The following RAB3C variants were observed in gnomAD, a reference collection of about 807,000 sequenced individuals.
RAB3C encodes ras-related protein Rab-3C.
RAB3C carries 17 observed loss-of-function variants against 26.4 expected under a neutral mutation model. That is an observed-to-expected ratio of 0.64 (90% confidence interval 0.44 to 0.97). RAB3C has a LOEUF of 0.97. Ranked by LOEUF, RAB3C falls within the 50% of genes least tolerant of loss-of-function variation. The probability of loss-of-function intolerance (pLI) is 0.00; values close to 1 mark genes in which losing one functional copy is unlikely to be tolerated. For missense variants in RAB3C, 242 were observed against 281.9 expected, an observed-to-expected ratio of 0.86 and a Z score of 1.01; for synonymous variants, 91 against 95.9, an observed-to-expected ratio of 0.95 and a Z score of 0.30.
chr5:58,811,171 G>C (rs1325109904), intron 3 of RAB3C, among the ~76,000 whole-genome samples: 1 of 152,178 alleles, frequency 6.6e-6, no homozygotes, highest in Non-Finnish European at 1.5e-5. Context: ...TATTTGATAG[G>C]AGGTCTGAAA....
At chr5:58,820,340 T>G (rs903615331) in intron 3 of RAB3C, among the ~76,000 whole-genome samples, 15 of 152,228 alleles carry the variant, frequency 9.9e-5, no homozygotes, top group African/African-American at 3.6e-4. Context: ...TCCTATCATT[T>G]ATATTAGGTT....
intron 3 of RAB3C, among the ~76,000 whole-genome samples, chr5:58,791,175 A>G (rs1579920177): frequency 1.3e-5 from 2 of 152,038 alleles, no homozygotes; most frequent in East Asian, 1.9e-4. Context: ...AGTCCACCAA[A>G]GTCATTTTCT....
At chr5:58,729,856 C>G (rs13359889) in intron 3 of RAB3C, among the ~76,000 whole-genome samples, 6,565 of 143,402 alleles carry the variant, frequency 0.046, 512 homozygotes, top group African/African-American at 0.16. Flanking sequence ...TATACATATA[C>G]TATATGTATA....
At chr5:58,699,501 C>T (rs903076630) in intron 2 of RAB3C, among the ~76,000 whole-genome samples, 3 of 152,220 alleles carry the variant, frequency 2.0e-5, no homozygotes, top group Non-Finnish European at 2.9e-5. Flanking sequence ...CTCTTCAGAG[C>T]TGTCAGACAG....
chr5:58,830,408 G>T (rs2112066803), intron 4 of RAB3C, among the ~76,000 whole-genome samples: 1 of 152,246 alleles, frequency 6.6e-6, no homozygotes, highest in East Asian at 1.9e-4. Context: ...GGATATTTCT[G>T]TGTCACCAAG....
intron 2 of RAB3C, among the ~76,000 whole-genome samples, chr5:58,650,430 G>A (rs1395119609): frequency 2.0e-5 from 3 of 152,100 alleles, no homozygotes; most frequent in Admixed American, 2.0e-4. Flanking sequence ...AACTTGAAAA[G>A]AACAAAATGT....
intron 3 of RAB3C, among the ~76,000 whole-genome samples, chr5:58,778,549 T>C (rs1181480065): frequency 6.6e-6 from 1 of 152,148 alleles, no homozygotes; most frequent in Non-Finnish European, 1.5e-5. Context: ...AAGGATAGAA[T>C]GGGTTCTGGC....
chr5:58,633,136 A>T (rs572627591), intron 2 of RAB3C, among the ~76,000 whole-genome samples: 22 of 152,170 alleles, frequency 1.4e-4, no homozygotes, highest in South Asian at 4.1e-4. Context: ...GACTAGAGGG[A>T]ACTGACCTGT....
At chr5:58,830,132 A>G (rs17286630) in intron 4 of RAB3C, among the ~76,000 whole-genome samples, 2,091 of 152,282 alleles carry the variant, frequency 0.014, 17 homozygotes, top group Non-Finnish European at 0.022. Context: ...TTCTATGTCT[A>G]TATACTCCGA....
At chr5:58,612,684 A>T (rs1428990642) in intron 1 of RAB3C, among the ~76,000 whole-genome samples, 1 of 151,492 alleles carries the variant, frequency 6.6e-6, no homozygotes, top group East Asian at 1.9e-4. Flanking sequence ...GTATCACGAG[A>T]CTTTGCTGAA....
chr5:58,722,618 G>C (rs1740796286), intron 2 of RAB3C, among the ~76,000 whole-genome samples: 1 of 151,752 alleles, frequency 6.6e-6, no homozygotes, highest in Non-Finnish European at 1.5e-5. Context: ...CAAAAGCTTT[G>C]CTTATGCTTT....
upstream of RAB3C, among the ~76,000 whole-genome samples, chr5:58,582,889 A>C (rs1010644186): frequency 2.0e-5 from 3 of 152,194 alleles, no homozygotes; most frequent in African/African-American, 4.8e-5. Flanking sequence ...GGAAAGGAGT[A>C]GGGAGGCTCC....
At chr5:58,618,074 G>C (rs140004562) in intron 2 of RAB3C, among the ~76,000 whole-genome samples, 47 of 151,910 alleles carry the variant, frequency 3.1e-4, no homozygotes, top group African/African-American at 1.1e-3. Context: ...ATTATGCCTT[G>C]TTGTCATGTG....
At chr5:58,758,361 C>T (rs1192168807) in intron 3 of RAB3C, among the ~76,000 whole-genome samples, 2 of 152,082 alleles carry the variant, frequency 1.3e-5, no homozygotes, top group East Asian at 3.8e-4. Flanking sequence ...TTATTGAATA[C>T]TTACAATATG....
chr5:58,812,197 G>A (rs990324859), intron 3 of RAB3C, among the ~76,000 whole-genome samples: 1 of 152,124 alleles, frequency 6.6e-6, no homozygotes, highest in African/African-American at 2.4e-5. Context: ...GATGGGGGCT[G>A]GTGGAGGCAG....
intron 3 of RAB3C, among the ~76,000 whole-genome samples, chr5:58,787,528 C>T (rs1195261450): frequency 6.6e-6 from 1 of 152,022 alleles, no homozygotes; most frequent in Non-Finnish European, 1.5e-5. Flanking sequence ...TTTTTAATTA[C>T]TTAAGAAGAA....
intron 2 of RAB3C, among the ~76,000 whole-genome samples, chr5:58,639,528 A>G (rs1446742711): frequency 6.6e-6 from 1 of 152,112 alleles, no homozygotes; most frequent in Non-Finnish European, 1.5e-5. Flanking sequence ...GAGAGAGGAG[A>G]GAGAGCCCTG....
intron 2 of RAB3C, among the ~76,000 whole-genome samples, chr5:58,710,472 G>A (rs940639224): frequency 3.3e-5 from 5 of 151,790 alleles, no homozygotes; most frequent in African/African-American, 4.8e-5. Context: ...GGTGGCACAC[G>A]CCTGTAATCT....
At chr5:58,715,798 T>C (rs1443867423) in intron 2 of RAB3C, among the ~76,000 whole-genome samples, 1 of 151,828 alleles carries the variant, frequency 6.6e-6, no homozygotes, top group Non-Finnish European at 1.5e-5. Context: ...CATGAAGAGG[T>C]GAGCAGAAAG....
Sources: gnomAD v4.1 joint callset for allele counts (sites outside exome capture counted in the v4.1 genomes callset) on GRCh38, gnomAD v4.1.1 for gene constraint, MANE v1.5 for transcripts, NCBI Gene and HGNC (gene_info 2026-07-23, HGNC 2026-07-21) for gene names.